Variants in PAIP2 observed in about 807,000 individuals in gnomAD.
The protein encoded by PAIP2 is poly(A) binding protein interacting protein 2.
A neutral mutation model predicts 14.8 loss-of-function variants in PAIP2; 7 were observed. That is an observed-to-expected ratio of 0.47 (90% CI 0.27 to 0.89). The LOEUF (loss-of-function observed/expected upper bound fraction) is 0.89, where lower values mean the gene tolerates loss of function less well. Ranked by LOEUF, PAIP2 falls within the 40% of genes least tolerant of loss-of-function variation. The pLI, the probability that PAIP2 is intolerant of heterozygous loss-of-function variation, is 0.13. For synonymous variants in PAIP2, 47 were observed against 45.3 expected, an observed-to-expected ratio of 1.04 and a Z score of -0.15; for missense variants, 122 against 154.7, an observed-to-expected ratio of 0.79 and a Z score of 1.12.
intron 3 of PAIP2, among the ~76,000 whole-genome samples, chr5:139,366,941 T>G (rs1278055649): frequency 6.6e-6 from 1 of 152,118 alleles, no homozygotes; most frequent in Non-Finnish European, 1.5e-5. Flanking sequence ...AGGCCTGTGG[T>G]CCCAGGTACT....
Position 139,347,899 on chromosome 5 carries a change from T to C in PAIP2, c.-27+5919T>C, listed in dbSNP as rs1756603345. ...AATATAAGAAACAACTCGGCCAGTGTGGTGGCTCATATCTGTAATCCCAGC... is the reference window on the plus strand; with the variant it reads ...AATATAAGAAACAACTCGGCCAGTGCGGTGGCTCATATCTGTAATCCCAGC... On this transcript the variant is annotated intron_variant, in intron 1 of 3. Transcript: ENST00000265192. Among the ~76,000 whole-genome samples the C allele has an allele frequency of 2.0e-5, 3 of 152,176 alleles. No individual in the cohort carries two copies. The South Asian group carries it at 6.2e-4, about 32-fold the overall frequency.
intron 3 of PAIP2, among the ~76,000 whole-genome samples, chr5:139,367,926 G>A (rs1052093967): frequency 2.6e-5 from 4 of 152,204 alleles, no homozygotes; most frequent in Non-Finnish European, 4.4e-5. Context: ...AATTTAGGCC[G>A]GGTGCAGTGG....
intron 1 of PAIP2, among the ~76,000 whole-genome samples, chr5:139,363,111 C>T (rs569511301): frequency 1.3e-5 from 2 of 151,972 alleles, no homozygotes; most frequent in Non-Finnish European, 1.5e-5. Flanking sequence ...CATGGTAGCA[C>T]GTGCCTGTAA....
chr5:139,350,357 G>C lies in PAIP2; in HGVS notation c.-27+8377G>C, dbSNP rs773825967. Among the ~76,000 whole-genome samples, 28 of 152,108 alleles carry C rather than the reference G, an allele frequency of 1.8e-4. No individual in the cohort carries two copies. In the Middle Eastern group the frequency reaches 0.01, roughly 55 times the overall value. ...TTTAGAAATAGAAATCACAGGCCAG[G>C]GGCGGTGGCTCATGCCTGTAATCCC... On this transcript the variant is annotated intron_variant, in intron 1 of 3. Coordinates refer to ENST00000265192, the MANE Select transcript of PAIP2 (RefSeq NM_016480.5).
chr5:139,353,739 G>A (rs1371329166), intron 1 of PAIP2, among the ~76,000 whole-genome samples: 1 of 148,156 alleles, frequency 6.7e-6, no homozygotes, highest in East Asian at 2.0e-4. Context: ...TTTTTTTAAG[G>A]CAGAGTCTCA....
intron 1 of PAIP2, among the ~76,000 whole-genome samples, chr5:139,357,946 T>C (rs1756963370): frequency 6.6e-6 from 1 of 152,214 alleles, no homozygotes; most frequent in Admixed American, 6.5e-5. Context: ...TAGTTTAAAA[T>C]ACCACAGAGG....
chr5:139,368,301 C>T (rs892570812), intron 3 of PAIP2, among the ~76,000 whole-genome samples: 1 of 151,922 alleles, frequency 6.6e-6, no homozygotes, highest in Non-Finnish European at 1.5e-5. Flanking sequence ...GATCGCGCCA[C>T]TGCACTGCAG....
chr5:139,362,099 A>ATC (rs1757082251), intron 1 of PAIP2, among the ~76,000 whole-genome samples: 1 of 152,158 alleles, frequency 6.6e-6, no homozygotes, highest in Non-Finnish European at 1.5e-5. Context: ...GTTATTAAAA[A>ATC]TCTGTTAGTT....
At chr5:139,342,562 A>G (rs1414976594) in intron 1 of PAIP2, 1 of 151,686 alleles carries the variant, frequency 6.6e-6, no homozygotes, top group Non-Finnish European at 1.5e-5. Flanking sequence ...CGCCATCGCT[A>G]CCCCTTATTT....
At chr5:139,350,614 GAGTGAGACTCTGT>G (rs1756698065) in intron 1 of PAIP2, among the ~76,000 whole-genome samples, 1 of 151,276 alleles carries the variant, frequency 6.6e-6, no homozygotes, top group Admixed American at 6.6e-5. Context: ...CTGGGTGACA[GAGTGAGACTCTGT>G]CTCAAAAAAA....
intron 1 of PAIP2, among the ~76,000 whole-genome samples, chr5:139,352,715 C>A (rs943288998): frequency 2.0e-5 from 3 of 150,264 alleles, no homozygotes; most frequent in Non-Finnish European, 3.0e-5. Context: ...AGGTGATCTT[C>A]CTGCCTCAGC....
In PAIP2 at chr5:139,361,934, T is replaced by G. The variant is rs1334116698; in HGVS notation, c.-26-1825T>G. On this transcript the variant is annotated intron_variant, in intron 1 of 3. Transcript: ENST00000265192. ...GCACTCGTCTGGGTGAGACCCTGTC[T>G]CAAAAAAAAAAAAAAAAAAAAGATG... 1.1e-4 allele frequency among the ~76,000 whole-genome samples: 5 copies of G among 47,308 alleles called. No homozygotes were observed. The South Asian group carries it at 3.8e-3, about 36-fold the overall frequency. The allele number at this position is 47,308 out of a possible 152,430, so 31.0% of individuals were successfully genotyped here. A position where few individuals can be genotyped will look rare whatever the true frequency, so the allele number is the denominator to read the frequency against.
intron 1 of PAIP2, among the ~76,000 whole-genome samples, chr5:139,346,264 A>G (rs958748231): frequency 2.6e-5 from 4 of 152,174 alleles, no homozygotes; most frequent in Non-Finnish European, 5.9e-5. Context: ...TTTTTTTGAG[A>G]CGGAGATTTG....
At chr5:139,353,216 A>AGC (rs1756802849) in intron 1 of PAIP2, among the ~76,000 whole-genome samples, 1 of 151,770 alleles carries the variant, frequency 6.6e-6, no homozygotes. Flanking sequence ...CTGTATTGTT[A>AGC]AGTCATTGTC....
At chr5:139,350,228 G>A (rs1403937890) in intron 1 of PAIP2, among the ~76,000 whole-genome samples, 1 of 151,876 alleles carries the variant, frequency 6.6e-6, no homozygotes, top group Non-Finnish European at 1.5e-5. Context: ...CTCAGACTGG[G>A]TCACATATTC....
chr5:139,346,275 C>T (rs991875766), intron 1 of PAIP2, among the ~76,000 whole-genome samples: 3 of 152,140 alleles, frequency 2.0e-5, no homozygotes, highest in South Asian at 4.1e-4. Context: ...CGGAGATTTG[C>T]TCTGTCACCA....
At position 139,363,669 on chromosome 5, in the gene PAIP2, C is replaced by G. The variant is rs143974446; in HGVS notation, c.-26-90C>G. 416 of 1,188,086 alleles carry G rather than the reference C, an allele frequency of 3.5e-4. 1 individual carries two copies. The East Asian group carries it at 6.0e-3, about 17-fold the overall frequency. 73.6% of individuals were successfully genotyped at this position (1,188,086 alleles called of 1,614,324 possible). ...GGTGAGCCATGATCACACCATTGCACTCCAGCCTGGATGACGGAGTGAAAC... is the reference window on the plus strand; with the variant it reads ...GGTGAGCCATGATCACACCATTGCAGTCCAGCCTGGATGACGGAGTGAAAC... On this transcript the variant is annotated intron_variant, in intron 1 of 3. Coordinates refer to ENST00000265192, the MANE Select transcript of PAIP2 (RefSeq NM_016480.5).
chr5:139,363,615 G>A (rs1404884189), intron 1 of PAIP2, 144 bp from the exon 2 acceptor site: 2 of 626,366 alleles, frequency 3.2e-6, no homozygotes, highest in African/African-American at 1.9e-5. Flanking sequence ...CCAGTTACTT[G>A]GGAGGCTGAG....
intron 1 of PAIP2, among the ~76,000 whole-genome samples, chr5:139,343,640 A>G (rs573802594): frequency 6.6e-6 from 1 of 152,278 alleles, no homozygotes; most frequent in Admixed American, 6.5e-5. Context: ...TTGTGCTTTT[A>G]AAACATTTTC....
Sources: allele counts gnomAD v4.1 joint callset (sites outside exome capture counted in the v4.1 genomes callset), GRCh38; gene constraint gnomAD v4.1.1; transcripts MANE v1.5; gene names NCBI Gene and HGNC (gene_info 2026-07-23, HGNC 2026-07-21).